Variants in PRKG1 observed in about 807,000 individuals in gnomAD.
The protein encoded by PRKG1 is cGMP-dependent protein kinase 1.
PRKG1 carries 35 observed loss-of-function variants against 88.1 expected under a neutral mutation model. The ratio of observed to expected loss-of-function variants is 0.40; its 90% CI spans 0.30 to 0.53. The LOEUF (loss-of-function observed/expected upper bound fraction) is 0.53. PRKG1 is among the 20% of genes least tolerant of loss of function. PRKG1 has a pLI of 0.59. For synonymous variants in PRKG1, 303 were observed against 292.5 expected (o/e 1.04, Z -0.37); for missense variants, 540 against 839.8 (o/e 0.64, Z 4.41).
chr10:51,298,475 G>T (rs1008292723), intron 2 of PRKG1, among the ~76,000 whole-genome samples: 20 of 152,126 alleles, frequency 1.3e-4, no homozygotes, highest in African/African-American at 4.8e-4. Flanking sequence ...GTGTTGCTGA[G>T]CCATTAAATG....
chr10:52,103,736 A>G (rs145804528), intron 7 of PRKG1, among the ~76,000 whole-genome samples: 129 of 152,058 alleles, frequency 8.5e-4, no homozygotes, highest in Non-Finnish European at 1.3e-3. Flanking sequence ...AACTGTATAT[A>G]TATGTTGTTG....
At chr10:52,244,480 C>T (rs1461654102) in intron 9 of PRKG1, among the ~76,000 whole-genome samples, 5 of 150,744 alleles carry the variant, frequency 3.3e-5, no homozygotes, top group Non-Finnish European at 5.9e-5. Context: ...ATTTGAAAAT[C>T]GAGGGAATAA....
At chr10:51,749,154 A>G (rs1837654598) in intron 3 of PRKG1, among the ~76,000 whole-genome samples, 1 of 152,252 alleles carries the variant, frequency 6.6e-6, no homozygotes, top group Non-Finnish European at 1.5e-5. Flanking sequence ...TTGACATTTC[A>G]GAAGTGAGTA....
intron 3 of PRKG1, among the ~76,000 whole-genome samples, chr10:51,544,057 T>G (rs552249429): frequency 6.6e-6 from 1 of 151,964 alleles, no homozygotes; most frequent in Non-Finnish European, 1.5e-5. Context: ...AACATTTTGG[T>G]TTTTTTTAAA....
chr10:52,221,682 TA>T (rs1241040630), intron 9 of PRKG1, among the ~76,000 whole-genome samples: 1 of 152,234 alleles, frequency 6.6e-6, no homozygotes, highest in African/African-American at 2.4e-5. Flanking sequence ...TAACATCAGA[TA>T]TTTTTTACTT....
chr10:51,978,506 T>G (rs577327283), intron 5 of PRKG1, among the ~76,000 whole-genome samples: 1 of 151,626 alleles, frequency 6.6e-6, no homozygotes, highest in East Asian at 1.9e-4. Context: ...AGAATGTCAT[T>G]GGTAGTTTGA....
At chr10:52,276,610 C>A (rs565795469) in intron 12 of PRKG1, among the ~76,000 whole-genome samples, 1 of 152,260 alleles carries the variant, frequency 6.6e-6, no homozygotes, top group South Asian at 2.1e-4. Flanking sequence ...CCAAAGAGGG[C>A]ATAAGGGCCT....
chr10:52,260,727 A>ATAACT (rs4041234), intron 10 of PRKG1, among the ~76,000 whole-genome samples: 135,154 of 151,686 alleles, frequency 0.89, 60,809 homozygotes, highest in East Asian at 1. Context: ...GGTGAAAAAA[A>ATAACT]TAAAGTGTAT....
chr10:52,136,729 A>G (rs1589638745), intron 8 of PRKG1, among the ~76,000 whole-genome samples: 1 of 152,214 alleles, frequency 6.6e-6, no homozygotes, highest in Non-Finnish European at 1.5e-5. Flanking sequence ...AGCACAATAC[A>G]TGAAGTAAGC....
intron 8 of PRKG1, among the ~76,000 whole-genome samples, chr10:52,150,147 C>CAAAATAAT: frequency 3.6e-5 from 1 of 27,490 alleles, no homozygotes; most frequent in South Asian, 1.2e-3. Context: ...GACTCCATCT[C>CAAAATAAT]AAAATAATAA....
At position 51,621,459 on chromosome 10, in the gene PRKG1, T is replaced by C. The variant is rs549393311; in HGVS notation, c.592+153623T>C. 3.3e-5 allele frequency among the ~76,000 whole-genome samples: 5 copies of C among 152,242 alleles called. No individual in the cohort carries two copies. The East Asian group carries it at 9.7e-4, about 30-fold the overall frequency. On this transcript the variant is annotated intron_variant, in intron 3 of 17. Coordinates refer to ENST00000373980, the MANE Select transcript of PRKG1 (RefSeq NM_006258.4). The stretch of plus-strand genomic sequence containing the variant: ...GTAACTGCATTGTCTCAAGATGGCA[T>C]TTGAAAATTTGAGAGATGTCTAAAT...
intron 4 of PRKG1, among the ~76,000 whole-genome samples, chr10:51,895,382 T>C (rs577028784): frequency 6.6e-6 from 1 of 152,276 alleles, no homozygotes; most frequent in South Asian, 2.1e-4. Flanking sequence ...GGAGTAAGAA[T>C]CAGGACCTTG....
chr10:51,101,828 G>A (rs1302072801), intron 1 of PRKG1, among the ~76,000 whole-genome samples: 2 of 152,100 alleles, frequency 1.3e-5, no homozygotes, highest in East Asian at 3.9e-4. Flanking sequence ...GAAAACATAA[G>A]GACTGGAGTC....
At chr10:51,896,740 T>C (rs1204199846) in intron 4 of PRKG1, among the ~76,000 whole-genome samples, 1 of 150,092 alleles carries the variant, frequency 6.7e-6, no homozygotes, top group Non-Finnish European at 1.5e-5. Flanking sequence ...TAGCAGAGCC[T>C]AAACTTAACC....
chr10:51,039,133 T>G (rs891401147), intron 1 of PRKG1, among the ~76,000 whole-genome samples: 22 of 152,204 alleles, frequency 1.4e-4, no homozygotes, highest in African/African-American at 5.1e-4. Context: ...AGTATCTCTA[T>G]TTTTAGTTTT....
At position 51,856,986 on chromosome 10, in the gene PRKG1, A is replaced by G. The variant is rs903637453; in HGVS notation, c.699-50521A>G. 2.0e-3 allele frequency among the ~76,000 whole-genome samples: 309 copies of G among 151,046 alleles called. 2 individuals carry two copies. Among genetic ancestry groups the G allele is most frequent in the African/African-American group, 7.0e-3 (290 of 41,372 alleles). On this transcript the variant is annotated intron_variant, in intron 4 of 17. Coordinates refer to ENST00000373980, the MANE Select transcript of PRKG1 (RefSeq NM_006258.4). ...CTTACTAAAAAAAAGAAAAAAAAAA[A>G]AAGAAAGAAAGTAAAAAGAAAGGGC...
At chr10:51,282,514 T>C (rs1840327084) in intron 2 of PRKG1, among the ~76,000 whole-genome samples, 1 of 151,808 alleles carries the variant, frequency 6.6e-6, no homozygotes, top group South Asian at 2.1e-4. Context: ...GGGAGAGGAG[T>C]TCACGAAGGA....
chr10:51,336,004 A>G (rs945856158), intron 2 of PRKG1, among the ~76,000 whole-genome samples: 1 of 152,250 alleles, frequency 6.6e-6, no homozygotes, highest in African/African-American at 2.4e-5. Context: ...TAGCCAAGAT[A>G]TGTTTGAAAT....
chr10:51,543,224 C>T (rs1842356791), intron 3 of PRKG1, among the ~76,000 whole-genome samples: 1 of 152,074 alleles, frequency 6.6e-6, no homozygotes, highest in Non-Finnish European at 1.5e-5. Context: ...CTAAACATTA[C>T]AGTAATTCAT....
Sources: gnomAD v4.1 joint callset for allele counts (sites outside exome capture counted in the v4.1 genomes callset) on GRCh38, gnomAD v4.1.1 for gene constraint, MANE v1.5 for transcripts, NCBI Gene and HGNC (gene_info 2026-07-23, HGNC 2026-07-21) for gene names.